The following GRM5 variants were observed in gnomAD, a reference collection of about 807,000 sequenced individuals.
GRM5 encodes the protein glutamate metabotropic receptor 5, also known as metabotropic glutamate receptor 5.
Under a neutral mutation model 83.1 loss-of-function variants are expected in GRM5, and 19 were observed. The observed-to-expected ratio is 0.23, with a 90% CI of 0.16 to 0.34. The LOEUF (loss-of-function observed/expected upper bound fraction) is 0.34, where lower values mean the gene tolerates loss of function less well. Ranked by LOEUF, GRM5 falls within the 10% of genes least tolerant of loss-of-function variation. The pLI is 1.00. For synonymous variants in GRM5, 675 were observed against 633.6 expected, an observed-to-expected ratio of 1.07 and a Z score of -0.98; for missense variants, 1,160 against 1,588.3, an observed-to-expected ratio of 0.73 and a Z score of 4.58.
At chr11:88,746,598 C>T (rs897989777) in intron 3 of GRM5, among the ~76,000 whole-genome samples, 1 of 151,298 alleles carries the variant, frequency 6.6e-6, no homozygotes, top group Non-Finnish European at 1.5e-5. Flanking sequence ...CTTAAGCCAA[C>T]ATCTTTTTCC....
At chr11:88,509,698 A>G (rs1485297380) in intron 9 of GRM5, among the ~76,000 whole-genome samples, 194 bp from the exon 10 acceptor site, 1 of 152,194 alleles carries the variant, frequency 6.6e-6, no homozygotes, top group Non-Finnish European at 1.5e-5. Flanking sequence ...TTTGAGTTAA[A>G]GACTGCTTTC....
chr11:88,827,039 A>G (rs574346439), intron 3 of GRM5, among the ~76,000 whole-genome samples: 2 of 152,176 alleles, frequency 1.3e-5, no homozygotes, highest in African/African-American at 4.8e-5. Flanking sequence ...GTAATGGAGT[A>G]TTTTTTTTAA....
chr11:88,926,321 G>T (rs967100366), intron 2 of GRM5, among the ~76,000 whole-genome samples: 12 of 152,148 alleles, frequency 7.9e-5, no homozygotes, highest in Non-Finnish European at 1.8e-4. Flanking sequence ...GTTGTGAAAA[G>T]TAGTACAAAT....
At chr11:88,511,173 T>C (rs1941358786) in intron 9 of GRM5, among the ~76,000 whole-genome samples, 1 of 152,190 alleles carries the variant, frequency 6.6e-6, no homozygotes, top group Admixed American at 6.5e-5. Flanking sequence ...TTTCTCAGAT[T>C]CTTTCACAAT....
intron 2 of GRM5, among the ~76,000 whole-genome samples, chr11:88,883,245 A>C (rs964655734): frequency 6.6e-6 from 1 of 152,196 alleles, no homozygotes. Context: ...AGAGGACAGA[A>C]AGATGTGGGA....
At chr11:88,912,531 G>C (rs1945516691) in intron 2 of GRM5, among the ~76,000 whole-genome samples, 1 of 144,166 alleles carries the variant, frequency 6.9e-6, no homozygotes, top group South Asian at 2.3e-4. Flanking sequence ...ATGCATGCAT[G>C]TGTATGTGTT....
chr11:88,925,862 T>C (rs1435276182), intron 2 of GRM5: 1 of 403,926 alleles, frequency 2.5e-6, no homozygotes, highest in African/African-American at 2.1e-5. Flanking sequence ...TGAGCCGAGA[T>C]TGTGCCACTG....
intron 2 of GRM5, among the ~76,000 whole-genome samples, chr11:88,918,025 G>T (rs939869338): frequency 4.0e-5 from 6 of 151,786 alleles, no homozygotes; most frequent in Admixed American, 6.6e-5. Flanking sequence ...TAACTCAGGA[G>T]ATTTAATAAG....
intron 3 of GRM5, among the ~76,000 whole-genome samples, chr11:88,766,401 C>G (rs895786588): frequency 6.6e-6 from 1 of 151,890 alleles, no homozygotes; most frequent in Non-Finnish European, 1.5e-5. Context: ...GAAATAATGT[C>G]ACACACCTAC....
chr11:88,771,791 G>T (rs1319407545), intron 3 of GRM5, among the ~76,000 whole-genome samples: 1 of 152,088 alleles, frequency 6.6e-6, no homozygotes, highest in Non-Finnish European at 1.5e-5. Context: ...TGAAGACTTA[G>T]TACCAAAAGA....
intron 2 of GRM5, among the ~76,000 whole-genome samples, chr11:88,882,446 A>C (rs1212450144): frequency 6.7e-6 from 1 of 150,218 alleles, no homozygotes; most frequent in Non-Finnish European, 1.5e-5. Context: ...CTGTAGTCCC[A>C]GCTACTCGGG....
intron 2 of GRM5, among the ~76,000 whole-genome samples, chr11:88,975,573 T>C (rs1591011974): frequency 6.6e-6 from 1 of 152,204 alleles, no homozygotes; most frequent in East Asian, 1.9e-4. Flanking sequence ...ACTCACAGTG[T>C]GGCCCATGGG....
chr11:88,793,852 G>T (rs1470683884), intron 3 of GRM5, among the ~76,000 whole-genome samples: 1 of 152,114 alleles, frequency 6.6e-6, no homozygotes, highest in African/African-American at 2.4e-5. Flanking sequence ...GTAGAGACAG[G>T]TCTTGCTCTG....
chr11:89,060,548 T>C (rs1166176181), intron 1 of GRM5, among the ~76,000 whole-genome samples: 2 of 152,112 alleles, frequency 1.3e-5, no homozygotes, highest in East Asian at 3.8e-4. Context: ...TAAAATAACA[T>C]ACCTACTGCT....
At chr11:88,641,745 T>C (rs151332629) in intron 4 of GRM5, among the ~76,000 whole-genome samples, 1 of 152,208 alleles carries the variant, frequency 6.6e-6, no homozygotes, top group African/African-American at 2.4e-5. Context: ...CATGTCCCAC[T>C]TCTAGGGCAT....
intron 2 of GRM5, among the ~76,000 whole-genome samples, chr11:89,019,031 C>T (rs560990670): frequency 6.6e-6 from 1 of 152,246 alleles, no homozygotes; most frequent in South Asian, 2.1e-4. Flanking sequence ...GAGATCACAT[C>T]CAGGTTACCA....
At chr11:88,936,469 A>G (rs1055415753) in intron 2 of GRM5, among the ~76,000 whole-genome samples, 1 of 151,792 alleles carries the variant, frequency 6.6e-6, no homozygotes, top group African/African-American at 2.4e-5. Flanking sequence ...ATAATCTCTC[A>G]TACTTTCTTC....
intron 2 of GRM5, among the ~76,000 whole-genome samples, chr11:89,003,845 C>T (rs1335730855): frequency 6.6e-6 from 1 of 152,094 alleles, no homozygotes; most frequent in Admixed American, 6.5e-5. Context: ...GGCCCAGGCA[C>T]AGGTGTAAAT....
intron 2 of GRM5, among the ~76,000 whole-genome samples, chr11:88,934,439 T>C (rs1380697062): frequency 6.6e-6 from 1 of 151,872 alleles, no homozygotes; most frequent in Non-Finnish European, 1.5e-5. Flanking sequence ...ATTTACATGA[T>C]GCATTTGCAC....
Sources: allele counts gnomAD v4.1 joint callset (sites outside exome capture counted in the v4.1 genomes callset), GRCh38; gene constraint gnomAD v4.1.1; transcripts MANE v1.5; gene names NCBI Gene and HGNC (gene_info 2026-07-23, HGNC 2026-07-21).